Variants in CACNA1I observed in about 807,000 individuals in gnomAD.
The protein encoded by CACNA1I is calcium voltage-gated channel subunit alpha1 I, also known as voltage-dependent T-type calcium channel subunit alpha-1I.
CACNA1I carries 74 observed loss-of-function variants against 201.6 expected under a neutral mutation model. That is an observed-to-expected ratio of 0.37 (90% confidence interval 0.30 to 0.45). CACNA1I has a LOEUF of 0.45. Among genes scored for constraint, CACNA1I ranks in the 20% least tolerant of loss-of-function variants. CACNA1I has a pLI of 1.00. For synonymous variants in CACNA1I, 1,431 were observed against 1,345.2 expected (o/e 1.06, Z -1.40); for missense variants, 2,346 against 3,138.1 (o/e 0.75, Z 6.03).
chr22:39,659,459 G>T lies in CACNA1I; in HGVS notation c.2357G>T (p.Cys786Phe). 1.9e-6 allele frequency: 3 copies of T among 1,566,328 alleles called. No homozygotes were observed. Among genetic ancestry groups the T allele is most frequent in the Non-Finnish European group, 1.7e-6 (2 of 1,154,378 alleles). ...FSILGMHIFGCKFSLRTDTGD... is the reference protein window; with the variant it reads ...FSILGMHIFGFKFSLRTDTGD... ...ATCCTTGGGATGCATATTTTTGGCT[G>T]CAAGTTCAGCCTCCGCACGGACACT... The change falls in exon 13 of 37, where the codon TGC (cysteine) becomes TTC (phenylalanine). Residue 786 changes from cysteine (C) to phenylalanine (F), a missense_variant. By Grantham distance (205) the Cys-to-Phe change is radical. This residue lies in a region of CACNA1I where 155 missense variants were observed against 300.8 expected (regional missense o/e 0.52). Transcript: ENST00000402142. The surrounding 1 kb of genome is among the most constrained non-coding windows in gnomAD (Gnocchi z 4.3).
intron 4 of CACNA1I, 55 bp from the exon 5 acceptor site, chr22:39,634,510 G>A (rs58871994): frequency 2.6e-4 from 414 of 1,578,914 alleles, no homozygotes; most frequent in Non-Finnish European, 3.2e-4. Flanking sequence ...TCACTCTTTC[G>A]TCTCTGGGAC....
In CACNA1I at chr22:39,677,547, C is replaced by A; in HGVS notation, c.4933+128C>A. On this transcript the variant is annotated intron_variant, in intron 30 of 36. Coordinates refer to ENST00000402142, the MANE Select transcript of CACNA1I (RefSeq NM_021096.4). This position sits in a 1 kb window ranked among gnomAD's most constrained non-coding sequence, Gnocchi z 4.8. ...GGTCTTTGTATTGGGGAGATGCCTA[C>A]AGCAGGGCCCTCAGCTGTCTGGTCT... 2 of 659,128 alleles carry A rather than the reference C, an allele frequency of 3.0e-6. No individual in the cohort carries two copies. The highest frequency in any genetic ancestry group is 2.0e-5 in the South Asian group (1 of 50,606). The allele number at this position is 659,128 out of a possible 1,614,324, so 40.8% of individuals were successfully genotyped here. A position where few individuals can be genotyped will look rare whatever the true frequency, so the allele number is the denominator to read the frequency against.
Position 39,678,127 on chromosome 22 carries a change from G to C in CACNA1I, c.5055+19G>C. On this transcript the variant is annotated intron_variant, in intron 31 of 36. Coordinates refer to ENST00000402142, the MANE Select transcript of CACNA1I (RefSeq NM_021096.4). ...CATGAAGGTACTCCTGGGCGGGCTG[G>C]GGTGGAGAAATCAGCCAGGTGCTGG... 1 of 1,607,632 alleles carries C rather than the reference G, an allele frequency of 6.2e-7. No homozygotes were observed. The highest frequency in any genetic ancestry group is 8.5e-7 in the Non-Finnish European group (1 of 1,176,376).
chr22:39,685,711 TG>T lies in CACNA1I; in HGVS notation c.6028-46del. On this transcript the variant is annotated intron_variant, in intron 36 of 36. Coordinates refer to ENST00000402142, the MANE Select transcript of CACNA1I (RefSeq NM_021096.4). This position sits in a 1 kb window ranked among gnomAD's most constrained non-coding sequence, Gnocchi z 5.0. Reference sequence around the variant, plus strand: ...CGGGGGAGGGCGGCGTCCAGGTTGCTGGGGTGGGGGCCGACACAGGCGGCCT... The same window carrying T: ...CGGGGGAGGGCGGCGTCCAGGTTGCTGGGTGGGGGCCGACACAGGCGGCCT... 7.3e-7 allele frequency: 1 copy of T among 1,374,692 alleles called. No homozygotes were observed. Among genetic ancestry groups the T allele is most frequent in the South Asian group, 1.6e-5 (1 of 63,134 alleles). The allele number at this position is 1,374,692 out of a possible 1,614,324, so 85.2% of individuals were successfully genotyped here.
chr22:39,627,886 G>A (rs1601475189), intron 4 of CACNA1I, among the ~76,000 whole-genome samples: 1 of 144,876 alleles, frequency 6.9e-6, no homozygotes, highest in East Asian at 2.3e-4. Flanking sequence ...GAGAAATGGG[G>A]AGATGAAATG....
At chr22:39,664,713 T>G in intron 20 of CACNA1I, 26 bp from the exon 21 acceptor site, 1 of 532,876 alleles carries the variant, frequency 1.9e-6, no homozygotes, top group African/African-American at 3.9e-5. Flanking sequence ...CGCGGCAGCC[T>G]GACCCCGGCC....
intron 29 of CACNA1I, among the ~76,000 whole-genome samples, chr22:39,675,183 G>A (rs552183755): frequency 6.6e-6 from 1 of 152,344 alleles, no homozygotes; most frequent in African/African-American, 2.4e-5. Context: ...CAGTTTCCTT[G>A]CCTGTGAAAT....
chr22:39,634,764 C>A (rs763530345), intron 5 of CACNA1I, 40 bp downstream of exon 5: 5 of 1,586,360 alleles, frequency 3.2e-6, no homozygotes, highest in Non-Finnish European at 4.3e-6. Context: ...TCCGGGGACT[C>A]TTACTAAGAC....
intron 1 of CACNA1I, among the ~76,000 whole-genome samples, chr22:39,596,846 A>G (rs533972126): frequency 1.3e-4 from 20 of 152,124 alleles, no homozygotes; most frequent in South Asian, 6.2e-4. Flanking sequence ...GACGAGTTCA[A>G]ATGCAGGTCT....
chr22:39,602,136 G>A (rs7291041), intron 3 of CACNA1I, among the ~76,000 whole-genome samples: 116,279 of 126,508 alleles, frequency 0.92, 53,608 homozygotes, highest in Middle Eastern at 0.96. Context: ...TGGTGATGCA[G>A]TCACCACACA....
intron 3 of CACNA1I, among the ~76,000 whole-genome samples, chr22:39,603,151 C>CA (rs11430018): frequency 0.47 from 61,622 of 132,264 alleles, 13,613 homozygotes; most frequent in Non-Finnish European, 0.52. Context: ...AAGACCCTGT[C>CA]AAAAAAAAAA....
At position 39,677,203 on chromosome 22, in the gene CACNA1I, C is replaced by G. The variant is rs1328816614; in HGVS notation, c.4855-138C>G. 1 of 615,782 alleles carries G rather than the reference C, an allele frequency of 1.6e-6. No individual in the cohort carries two copies. The highest frequency in any genetic ancestry group is 1.9e-5 in the African/African-American group (1 of 53,914). The allele number at this position is 615,782 out of a possible 1,614,324, so 38.1% of individuals were successfully genotyped here. ...GTCCTGTAGGGGTGGCAGACGTGGA[C>G]ACACAGCCTGGGGGAATGTTACAGC... On this transcript the variant is annotated intron_variant, in intron 29 of 36. Transcript: ENST00000402142. The surrounding 1 kb of genome is among the most constrained non-coding windows in gnomAD (Gnocchi z 4.8).
intron 3 of CACNA1I, among the ~76,000 whole-genome samples, chr22:39,607,225 T>G (rs977613650): frequency 1.3e-5 from 2 of 152,208 alleles, no homozygotes; most frequent in African/African-American, 4.8e-5. Context: ...AGCTTCTGAC[T>G]GTGTGGAGAA....
At chr22:39,595,498 G>A (rs1041221906) in intron 1 of CACNA1I, among the ~76,000 whole-genome samples, 5 of 151,762 alleles carry the variant, frequency 3.3e-5, no homozygotes, top group Non-Finnish European at 7.4e-5. Flanking sequence ...AGTGGCAGGC[G>A]CCTGTAATCC....
At chr22:39,645,585 C>T (rs1934464947) in intron 7 of CACNA1I, among the ~76,000 whole-genome samples, 2 of 152,306 alleles carry the variant, frequency 1.3e-5, no homozygotes, top group African/African-American at 2.4e-5. Flanking sequence ...GGGGATTTTC[C>T]CAGAGTCCTC....
intron 6 of CACNA1I, among the ~76,000 whole-genome samples, chr22:39,642,195 G>A (rs992011621): frequency 6.6e-6 from 1 of 152,166 alleles, no homozygotes; most frequent in South Asian, 2.1e-4. Context: ...GACGGCAACA[G>A]CTGTGTTTTG....
chr22:39,583,273 C>T (rs1277125535), intron 1 of CACNA1I, among the ~76,000 whole-genome samples: 1 of 152,034 alleles, frequency 6.6e-6, no homozygotes, highest in Non-Finnish European at 1.5e-5. Flanking sequence ...TCCATCCATT[C>T]ACCCTTCCAA....
intron 1 of CACNA1I, among the ~76,000 whole-genome samples, chr22:39,590,673 A>G (rs1014636185): frequency 6.6e-6 from 1 of 152,224 alleles, no homozygotes; most frequent in African/African-American, 2.4e-5. Context: ...GAGGCAGTGC[A>G]GATCCTGCCC....
intron 4 of CACNA1I, among the ~76,000 whole-genome samples, chr22:39,632,436 T>A (rs1273675760): frequency 2.6e-5 from 4 of 152,198 alleles, no homozygotes; most frequent in Admixed American, 2.6e-4. Context: ...CCTTTGCCCA[T>A]GCCAGTCCCT....
Sources: allele counts gnomAD v4.1 joint callset (sites outside exome capture counted in the v4.1 genomes callset), GRCh38; gene constraint gnomAD v4.1.1; regional missense constraint gnomAD v4.1.1; non-coding constraint Gnocchi (gnomAD v3.1); transcripts MANE v1.5; gene names NCBI Gene and HGNC (gene_info 2026-07-23, HGNC 2026-07-21).